Variants in HCN1 observed in about 807,000 individuals in gnomAD.
HCN1 encodes potassium/sodium hyperpolarization-activated cyclic nucleotide-gated channel 1.
HCN1 carries 13 observed loss-of-function variants against 78.9 expected under a neutral mutation model. The observed-to-expected ratio is 0.16, with a 90% CI of 0.11 to 0.26. The LOEUF is 0.26. Ranked by LOEUF, HCN1 falls within the 10% of genes least tolerant of loss-of-function variation. The probability of loss-of-function intolerance (pLI) is 1.00; values close to 1 mark genes in which losing one functional copy is unlikely to be tolerated. For missense variants in HCN1, 810 were observed against 1,154.3 expected (o/e 0.70, Z 4.32); for synonymous variants, 552 against 455.5 (o/e 1.21, Z -2.70).
rs878855067 is a variant in HCN1, at chr5:45,353,139, C to T, written c.1338G>A (p.Glu446=). Residue 446 remains glutamate, a synonymous_variant, in exon 5 of 8, where the codon GAG becomes GAA. Coordinates refer to ENST00000303230, the MANE Select transcript of HCN1 (RefSeq NM_021072.4). ...EHRYQGKIFD[E]ENILNELNDP... ...CATTGAGTTCATTGAGAATATTTTC[C>T]TCATCAAAGATTTTGCCTTGGTATC... 34 of 1,611,488 alleles carry T rather than the reference C, an allele frequency of 2.1e-5. No homozygotes were observed. The highest frequency in any genetic ancestry group is 2.6e-5 in the Non-Finnish European group (31 of 1,178,622).
chr5:45,335,869 A>C (rs1227347437), intron 5 of HCN1, among the ~76,000 whole-genome samples: 17 of 152,106 alleles, frequency 1.1e-4, no homozygotes, highest in Admixed American at 1.1e-3. Flanking sequence ...TCAGAGTTGA[A>C]CATCTAGTTA....
At position 45,621,576 on chromosome 5, in the gene HCN1, C is replaced by T. The variant is rs181851381; in HGVS notation, c.849+23609G>A. On this transcript the variant is annotated intron_variant, in intron 2 of 7. Transcript: ENST00000303230. ...GGAGCTTTATTATTTATTTATGAAC[C>T]CAAAAACATGAGGATATTCAGTTTA... Among the ~76,000 whole-genome samples, 259 of 152,000 alleles carry T rather than the reference C, an allele frequency of 1.7e-3. 1 individual carries two copies. Among genetic ancestry groups the T allele is most frequent in the African/African-American group, 6.1e-3 (251 of 41,474 alleles).
At position 45,523,748 on chromosome 5, in the gene HCN1, T is replaced by C. The variant is rs1208291989; in HGVS notation, c.850-61741A>G. ...TAAATTTCTTTGAGTTCATTGTAGA[T>C]CCTGGATATTAGCCCTTTGTCAGAT... On this transcript the variant is annotated intron_variant, in intron 2 of 7. Transcript: ENST00000303230. 2.0e-5 allele frequency among the ~76,000 whole-genome samples: 3 copies of C among 152,206 alleles called. No individual in the cohort carries two copies. In the East Asian group the frequency reaches 5.8e-4, roughly 29 times the overall value.
In HCN1 at chr5:45,260,129, C is replaced by CTTTTGT. The variant is rs1162084635; in HGVS notation, c.*1786_*1791dup. The stretch of plus-strand genomic sequence containing the variant: ...GCAAGGATCCACTTTAGAGTTTCTG[C>CTTTTGT]TTTTGTTTTTGTTTTCTGTCCTCAA... On this transcript the variant is annotated 3_prime_UTR_variant, in exon 8 of 8. Coordinates refer to ENST00000303230, the MANE Select transcript of HCN1 (RefSeq NM_021072.4). The CTTTTGT allele has an allele frequency of 6.6e-6, 1 of 152,186 alleles. No individual in the cohort carries two copies. The highest frequency in any genetic ancestry group is 2.4e-5 in the African/African-American group (1 of 41,420). The allele number at this position is 152,186 out of a possible 1,614,324, so 9.4% of individuals were successfully genotyped here.
chr5:45,506,302 G>A (rs1300159873), intron 2 of HCN1, among the ~76,000 whole-genome samples: 2 of 151,980 alleles, frequency 1.3e-5, no homozygotes, highest in African/African-American at 4.8e-5. Flanking sequence ...GGGAGTCTAT[G>A]AACAACCACA....
intron 2 of HCN1, among the ~76,000 whole-genome samples, chr5:45,467,646 C>T (rs181451799): frequency 3.3e-5 from 5 of 152,100 alleles, no homozygotes; most frequent in African/African-American, 1.2e-4. Flanking sequence ...AATGGTCTAT[C>T]CATTTCCCTA....
chr5:45,312,573 C>G (rs567899709), intron 5 of HCN1, among the ~76,000 whole-genome samples: 3 of 152,318 alleles, frequency 2.0e-5, no homozygotes, highest in South Asian at 4.1e-4. Flanking sequence ...CGAGGCATAG[C>G]CTCACCCGGC....
At chr5:45,453,268 C>A (rs1740960849) in intron 3 of HCN1, among the ~76,000 whole-genome samples, 1 of 152,048 alleles carries the variant, frequency 6.6e-6, no homozygotes, top group African/African-American at 2.4e-5. Context: ...TATTAGTCTG[C>A]TATTCCACTG....
At position 45,492,730 on chromosome 5, in the gene HCN1, G is replaced by A. The variant is rs139734008; in HGVS notation, c.850-30723C>T. ...TTGCCCAGGCTGGTCTTGAACTCCC[G>A]GCCTCAGGTGATCCACCAGCCTCAG... is the stretch of plus-strand genomic sequence containing the variant. On this transcript the variant is annotated intron_variant, in intron 2 of 7. Transcript: ENST00000303230. Among the ~76,000 whole-genome samples the A allele has an allele frequency of 2.6e-3, 398 of 151,922 alleles. 9 individuals are homozygous for A. The East Asian group carries it at 0.063, about 24-fold the overall frequency.
chr5:45,307,792 A>G (rs751199691), intron 5 of HCN1, among the ~76,000 whole-genome samples: 2 of 152,146 alleles, frequency 1.3e-5, no homozygotes, highest in Non-Finnish European at 2.9e-5. Context: ...GAATCTGAGT[A>G]ATGTTCGGAC....
rs927781825 is a variant in HCN1 at position 45,261,309 on chromosome 5, G to A, written c.*612C>T. 2.6e-5 allele frequency: 4 copies of A among 152,674 alleles called. No individual in the cohort carries two copies. The highest frequency in any genetic ancestry group is 2.6e-4 in the Admixed American group (4 of 15,288). 9.5% of individuals were successfully genotyped at this position (152,674 alleles called of 1,614,324 possible). A position where few individuals can be genotyped will look rare whatever the true frequency, so the allele number is the denominator to read the frequency against. On this transcript the variant is annotated 3_prime_UTR_variant, in exon 8 of 8. Coordinates refer to ENST00000303230, the MANE Select transcript of HCN1 (RefSeq NM_021072.4). ...CTGAAAGATCAATGAACATGTTTGA[G>A]GTTAGTGATATTCTTAACAAACAGT...
At position 45,348,211 on chromosome 5, in the gene HCN1, T is replaced by C. The variant is rs548694622; in HGVS notation, c.1377+4889A>G. Among the ~76,000 whole-genome samples the C allele has an allele frequency of 2.6e-5, 4 of 152,286 alleles. No homozygotes were observed. The South Asian group carries it at 8.3e-4, about 32-fold the overall frequency. Reference sequence around the variant, plus strand: ...CCAGAAGAGAGTGGGGGGCCAGTATTCAAAGTTCTTAAAGAAAAGAATTTT... The same window carrying C: ...CCAGAAGAGAGTGGGGGGCCAGTATCCAAAGTTCTTAAAGAAAAGAATTTT... On this transcript the variant is annotated intron_variant, in intron 5 of 7. Transcript: ENST00000303230.
chr5:45,372,158 T>A lies in HCN1; in HGVS notation c.1231-18912A>T, dbSNP rs1399958800. On this transcript the variant is annotated intron_variant, in intron 4 of 7. Transcript: ENST00000303230. ...ATATAATAATATATTATATAATATG[T>A]TATTATATATAATTATATTATAATA... 1.5e-4 allele frequency among the ~76,000 whole-genome samples: 6 copies of A among 39,530 alleles called. No individual in the cohort carries two copies. The African/African-American group carries it at 1.8e-3, about 12-fold the overall frequency. 25.9% of individuals were successfully genotyped at this position (39,530 alleles called of 152,430 possible).
chr5:45,318,317 A>G (rs1310336587), intron 5 of HCN1, among the ~76,000 whole-genome samples: 2 of 152,120 alleles, frequency 1.3e-5, no homozygotes, highest in Admixed American at 6.6e-5. Context: ...CGCAAGGACA[A>G]AAAAACAAAC....
chr5:45,647,775 A>G lies in HCN1; in HGVS notation c.426-2167T>C, dbSNP rs1745580055. Among the ~76,000 whole-genome samples, 3 of 152,180 alleles carry G rather than the reference A, an allele frequency of 2.0e-5. 1 individual carries two copies. In the South Asian group the frequency reaches 6.2e-4, roughly 31 times the overall value. Reference sequence around the variant, plus strand: ...CTATCTCAGGGAATGGAATAACTCTATGTGTGATTTGCAAGCCAGAAACCA... The same window carrying G: ...CTATCTCAGGGAATGGAATAACTCTGTGTGTGATTTGCAAGCCAGAAACCA... On this transcript the variant is annotated intron_variant, in intron 1 of 7. Transcript: ENST00000303230.
At position 45,534,269 on chromosome 5, in the gene HCN1, C is replaced by T. The variant is rs188809866; in HGVS notation, c.850-72262G>A. Reference sequence around the variant, plus strand: ...AAAAGTAGCCGGGCATGGTGGCAGGCGCCTATAGTCCCAGCTACTCGGAGG... The same window carrying T: ...AAAAGTAGCCGGGCATGGTGGCAGGTGCCTATAGTCCCAGCTACTCGGAGG... On this transcript the variant is annotated intron_variant, in intron 2 of 7. Coordinates refer to ENST00000303230, the MANE Select transcript of HCN1 (RefSeq NM_021072.4). Among the ~76,000 whole-genome samples the T allele has an allele frequency of 2.1e-3, 312 of 151,080 alleles. 2 individuals are homozygous for T. Among genetic ancestry groups the T allele is most frequent in the African/African-American group, 7.2e-3 (296 of 41,146 alleles).
chr5:45,372,706 T>G (rs1747436599), intron 4 of HCN1, among the ~76,000 whole-genome samples: 1 of 143,078 alleles, frequency 7.0e-6, no homozygotes, highest in African/African-American at 2.5e-5. Context: ...TATATACGTA[T>G]TTATATATAA....
chr5:45,473,252 C>A (rs2111656028), intron 2 of HCN1, among the ~76,000 whole-genome samples: 1 of 152,036 alleles, frequency 6.6e-6, no homozygotes, highest in Non-Finnish European at 1.5e-5. Flanking sequence ...GAGAACCTTA[C>A]AACTGCACAA....
chr5:45,374,063 A>G (rs1268018535), intron 4 of HCN1, among the ~76,000 whole-genome samples: 4 of 106,996 alleles, frequency 3.7e-5, no homozygotes, highest in Non-Finnish European at 5.4e-5. Flanking sequence ...TATTATATAT[A>G]TAATATATAT....
Sources: gnomAD v4.1 joint callset for allele counts (sites outside exome capture counted in the v4.1 genomes callset) on GRCh38, gnomAD v4.1.1 for gene constraint, MANE v1.5 for transcripts, NCBI Gene and HGNC (gene_info 2026-07-23, HGNC 2026-07-21) for gene names.